ATP2C2: variants seen among roughly 807,000 people sequenced by gnomAD.
ATP2C2 encodes the protein calcium-transporting ATPase type 2C member 2.
A neutral mutation model predicts 110.8 loss-of-function variants in ATP2C2; 171 were observed. The observed-to-expected ratio is 1.54, with a 90% CI of 1.36 to 1.75. The LOEUF (loss-of-function observed/expected upper bound fraction) is 1.75. Ranked by LOEUF, ATP2C2 falls within the 40% of genes most tolerant of loss-of-function variation. ATP2C2 has a pLI of 0.00. For missense variants in ATP2C2, 1,963 were observed against 1,235.0 expected, an observed-to-expected ratio of 1.59 and a Z score of -8.84; for synonymous variants, 804 against 508.4, an observed-to-expected ratio of 1.58 and a Z score of -7.82.
intron 2 of ATP2C2, among the ~76,000 whole-genome samples, chr16:84,403,609 T>G (rs1905491630): frequency 2.0e-5 from 3 of 152,172 alleles, no homozygotes; most frequent in African/African-American, 7.2e-5. Context: ...TGCCTGGCCT[T>G]AACCATTTTG....
Position 84,463,693 on chromosome 16 carries a change from C to G in ATP2C2, c.2802C>G (p.Cys934Trp), listed in dbSNP as rs947721068. ...ELLKLCEKYCCSPKRVQMHPE... is the reference protein window; with the variant it reads ...ELLKLCEKYCWSPKRVQMHPE... ...TCAAACTATGTGAAAAATACTGTTG[C>G]AGCCCCAAGAGAGTCCAGATGCACC... The change falls in exon 27 of 27, where the codon TGC (cysteine) becomes TGG (tryptophan). Residue 934 changes from cysteine to tryptophan, a missense_variant. Coordinates refer to ENST00000262429, the MANE Select transcript of ATP2C2 (RefSeq NM_014861.4). The G allele has an allele frequency of 1.2e-6, 2 of 1,614,076 alleles. No homozygotes were observed. The highest frequency in any genetic ancestry group is 2.7e-5 in the African/African-American group (2 of 74,932).
At position 84,461,924 on chromosome 16, in the gene ATP2C2, G is replaced by C. The variant is rs200840828; in HGVS notation, c.2581-64G>C. The C allele has an allele frequency of 1.9e-5, 30 of 1,607,616 alleles. No individual in the cohort carries two copies. In the Middle Eastern group the frequency reaches 5.0e-4, roughly 27 times the overall value. ...CTCTGGCTCAGCGTGGGCAGTCAGA[G>C]CTCCCCTGCCTGTACCTGGGGTGTG... On this transcript the variant is annotated intron_variant, in intron 25 of 26. Coordinates refer to ENST00000262429, the MANE Select transcript of ATP2C2 (RefSeq NM_014861.4).
chr16:84,400,187 T>A (rs1314333284), intron 2 of ATP2C2, among the ~76,000 whole-genome samples: 1 of 152,216 alleles, frequency 6.6e-6, no homozygotes, highest in Non-Finnish European at 1.5e-5. Context: ...CTTAGGCTCC[T>A]TCCAAACCTT....
chr16:84,371,073 A>G (rs1298340810), intron 1 of ATP2C2, among the ~76,000 whole-genome samples: 1 of 152,156 alleles, frequency 6.6e-6, no homozygotes, highest in African/African-American at 2.4e-5. Context: ...AAACTGGGAG[A>G]TGCTTTATTT....
chr16:84,402,380 G>A (rs1275059227), intron 2 of ATP2C2, among the ~76,000 whole-genome samples: 2 of 152,064 alleles, frequency 1.3e-5, no homozygotes, highest in African/African-American at 4.8e-5. Flanking sequence ...GGTAAAAGTG[G>A]GTATCCTACG....
At chr16:84,439,798 T>A (rs958183967) in intron 13 of ATP2C2, among the ~76,000 whole-genome samples, 6 of 152,230 alleles carry the variant, frequency 3.9e-5, no homozygotes, top group African/African-American at 1.4e-4. Context: ...CTTCCATACC[T>A]TCCACGATAA....
chr16:84,403,074 T>C (rs1272359197), intron 2 of ATP2C2, among the ~76,000 whole-genome samples: 3 of 152,224 alleles, frequency 2.0e-5, no homozygotes, highest in Non-Finnish European at 4.4e-5. Context: ...TGGCATATAG[T>C]TGCTCCTGGT....
At position 84,454,937 on chromosome 16, in the gene ATP2C2, A is replaced by G; in HGVS notation, c.2100A>G (p.Lys700=). The change falls in exon 21 of 27, where the codon AAA becomes AAG. Residue 700 remains lysine, a synonymous_variant. Coordinates refer to ENST00000262429, the MANE Select transcript of ATP2C2 (RefSeq NM_014861.4). The stretch of plus-strand genomic sequence containing the variant: ...GGCAGACAGGGACGGACGTCAGCAA[A>G]GAGGCCGCCAACATGATCCTGGTGG... ...AMGQTGTDVS[K]EAANMILVDD... is the part of the protein sequence containing the mutation. The G allele has an allele frequency of 2.5e-6, 4 of 1,613,886 alleles. No homozygotes were observed. Among genetic ancestry groups the G allele is most frequent in the Non-Finnish European group, 3.4e-6 (4 of 1,179,918 alleles).
At chr16:84,424,576 CTTTTTTTTT>C (rs371614449) in intron 10 of ATP2C2, among the ~76,000 whole-genome samples, 194 of 114,874 alleles carry the variant, frequency 1.7e-3, no homozygotes, top group African/African-American at 5.0e-3. Flanking sequence ...CCGCACTGGG[CTTTTTTTTT>C]TTTTTTTTTT....
Position 84,453,315 on chromosome 16 carries a change from G to T in ATP2C2, c.1930-6G>T, listed in dbSNP as rs772920984. On this transcript the variant is annotated splice_region_variant and splice_polypyrimidine_tract_variant and intron_variant, in intron 19 of 26. Transcript: ENST00000262429. ...GATTCTTCGTCTTCCCCGTCTCCGTGTCCAGGTGTCCGTGTTCTTCAGGAC... is the reference window on the plus strand; with the variant it reads ...GATTCTTCGTCTTCCCCGTCTCCGTTTCCAGGTGTCCGTGTTCTTCAGGAC... 6.2e-7 allele frequency: 1 copy of T among 1,614,186 alleles called. No individual in the cohort carries two copies. The highest frequency in any genetic ancestry group is 1.1e-5 in the South Asian group (1 of 91,080).
intron 1 of ATP2C2, among the ~76,000 whole-genome samples, chr16:84,380,127 CT>C (rs796346972): frequency 7.9e-5 from 12 of 152,292 alleles, no homozygotes; most frequent in African/African-American, 2.9e-4. Context: ...GCTGGCCTCC[CT>C]CCCCTGTGAT....
At chr16:84,451,807 C>A in intron 17 of ATP2C2, 114 bp from the exon 18 acceptor site, 1 of 1,121,658 alleles carries the variant, frequency 8.9e-7, no homozygotes, top group Non-Finnish European at 1.3e-6. Flanking sequence ...CACTGCACTC[C>A]AACCTGGGCG....
At chr16:84,438,733 C>G (rs910673759) in intron 11 of ATP2C2, among the ~76,000 whole-genome samples, 1 of 152,212 alleles carries the variant, frequency 6.6e-6, no homozygotes, top group African/African-American at 2.4e-5. Flanking sequence ...GTCTACACCA[C>G]TACACTCATG....
At chr16:84,404,568 G>A (rs1905582404) in intron 2 of ATP2C2, 2 of 236,472 alleles carry the variant, frequency 8.5e-6, no homozygotes, top group South Asian at 5.7e-5. Flanking sequence ...CATTGTGTGT[G>A]TACACCATGT....
intron 6 of ATP2C2, 52 bp downstream of exon 6, chr16:84,410,817 C>T (rs1906216955): frequency 6.4e-7 from 1 of 1,552,368 alleles, no homozygotes; most frequent in Non-Finnish European, 8.9e-7. Flanking sequence ...AGCCAGGGAG[C>T]TGGAGAGTTT....
intron 2 of ATP2C2, among the ~76,000 whole-genome samples, chr16:84,401,954 A>G (rs772655526): frequency 1.3e-5 from 2 of 152,080 alleles, no homozygotes; most frequent in Non-Finnish European, 1.5e-5. Context: ...GATTTTTCCA[A>G]CCCATGAACA....
intron 9 of ATP2C2, 62 bp from the exon 10 acceptor site, chr16:84,423,126 T>G: frequency 1.4e-6 from 2 of 1,457,518 alleles, no homozygotes; most frequent in South Asian, 1.1e-5. Context: ...GAAGACATTT[T>G]GAACAAAGGC....
intron 1 of ATP2C2, among the ~76,000 whole-genome samples, chr16:84,389,719 C>A (rs1459326745): frequency 9.5e-6 from 1 of 104,834 alleles, no homozygotes; most frequent in Admixed American, 1.2e-4. Context: ...CTCACTGTTT[C>A]CTTTTTTTTT....
chr16:84,426,841 G>A (rs907004284), intron 11 of ATP2C2, among the ~76,000 whole-genome samples: 2 of 152,158 alleles, frequency 1.3e-5, no homozygotes, highest in Non-Finnish European at 2.9e-5. Context: ...ATGCTAAGCC[G>A]AGGGGACCCG....
Sources: gnomAD v4.1 joint callset for allele counts (sites outside exome capture counted in the v4.1 genomes callset) on GRCh38, gnomAD v4.1.1 for gene constraint, MANE v1.5 for transcripts, NCBI Gene and HGNC (gene_info 2026-07-23, HGNC 2026-07-21) for gene names.